The following SLC8A1 variants were observed in gnomAD, a reference collection of about 807,000 sequenced individuals.
The protein encoded by SLC8A1 is sodium/calcium exchanger 1.
A neutral mutation model predicts 68.3 loss-of-function variants in SLC8A1; 18 were observed. The observed-to-expected ratio is 0.26, with a 90% CI of 0.18 to 0.39. The LOEUF (loss-of-function observed/expected upper bound fraction) is 0.39, where lower values mean the gene tolerates loss of function less well. Ranked by LOEUF, SLC8A1 falls within the 10% of genes least tolerant of loss-of-function variation. The pLI is 1.00. For synonymous variants in SLC8A1, 475 were observed against 415.5 expected (o/e 1.14, Z -1.74); for missense variants, 985 against 1,156.7 (o/e 0.85, Z 2.15).
At chr2:40,295,780 C>T (rs1433324544) in intron 2 of SLC8A1, among the ~76,000 whole-genome samples, 1 of 152,158 alleles carries the variant, frequency 6.6e-6, no homozygotes, top group African/African-American at 2.4e-5. Flanking sequence ...CCTACTAACA[C>T]CAACTCTTGA....
At chr2:40,163,758 G>C (rs1268972788) in intron 5 of SLC8A1, among the ~76,000 whole-genome samples, 1 of 152,140 alleles carries the variant, frequency 6.6e-6, no homozygotes, top group Non-Finnish European at 1.5e-5. Flanking sequence ...AAAGGAAAAA[G>C]ATTAATTGCA....
intron 2 of SLC8A1, among the ~76,000 whole-genome samples, chr2:40,187,457 G>A (rs1341523962): frequency 1.7e-5 from 2 of 116,178 alleles, no homozygotes; most frequent in African/African-American, 6.8e-5. Flanking sequence ...CAGAGCAAGA[G>A]ACAGCGACAG....
At chr2:40,499,610 G>A (rs917340380) in intron 1 of SLC8A1, among the ~76,000 whole-genome samples, 1 of 152,046 alleles carries the variant, frequency 6.6e-6, no homozygotes, top group East Asian at 1.9e-4. Flanking sequence ...GAGGCTGTCT[G>A]CCCACACACT....
At chr2:40,242,487 A>G (rs919635837) in intron 2 of SLC8A1, among the ~76,000 whole-genome samples, 5 of 152,172 alleles carry the variant, frequency 3.3e-5, no homozygotes, top group African/African-American at 1.2e-4. Flanking sequence ...AGACAAGGGT[A>G]TAATTATAAA....
chr2:40,200,314 T>G (rs2054119820), intron 2 of SLC8A1, among the ~76,000 whole-genome samples: 1 of 126,384 alleles, frequency 7.9e-6, no homozygotes. Context: ...TACAGGTACT[T>G]GTTCTTCAGG....
exon 8 of SLC8A1, chr2:40,098,014 C>T (rs2033676258): frequency 6.6e-6 from 1 of 151,796 alleles, no homozygotes; most frequent in South Asian, 2.1e-4. Flanking sequence ...CACAAAGAGA[C>T]TAGATTAACA....
intron 2 of SLC8A1, among the ~76,000 whole-genome samples, chr2:40,396,451 C>T (rs1455296251): frequency 6.6e-6 from 1 of 152,020 alleles, no homozygotes; most frequent in African/African-American, 2.4e-5. Context: ...TCATTCTATT[C>T]TAGTAGCACA....
At chr2:40,139,750 A>G in intron 6 of SLC8A1, 74 bp from the exon 10 acceptor site, 1 of 1,513,562 alleles carries the variant, frequency 6.6e-7, no homozygotes, top group Non-Finnish European at 9.0e-7. Flanking sequence ...AATCTCTCCT[A>G]TCTAGGTCGG....
intron 2 of SLC8A1, among the ~76,000 whole-genome samples, chr2:40,394,012 T>C (rs1010676769): frequency 1.3e-5 from 2 of 152,246 alleles, no homozygotes; most frequent in East Asian, 3.9e-4. Context: ...TGTCAATGAC[T>C]GAAGACAGTT....
chr2:40,123,268 C>T (rs996472345), intron 7 of SLC8A1: 3 of 152,228 alleles, frequency 2.0e-5, no homozygotes, highest in Admixed American at 6.5e-5. Flanking sequence ...ACTGTGACTA[C>T]ACAATGGTAA....
chr2:40,219,363 A>T (rs1017761502), intron 2 of SLC8A1, among the ~76,000 whole-genome samples: 8 of 152,258 alleles, frequency 5.3e-5, no homozygotes, highest in Non-Finnish European at 1.2e-4. Flanking sequence ...CTGTCAGCAC[A>T]TGGCAAAGTT....
chr2:40,131,975 T>G (rs1375450999), intron 7 of SLC8A1, among the ~76,000 whole-genome samples: 1 of 147,820 alleles, frequency 6.8e-6, no homozygotes, highest in Non-Finnish European at 1.5e-5. Flanking sequence ...GGTATAGAAC[T>G]GGATCTTGAT....
chr2:40,267,022 G>T (rs1266831982), intron 2 of SLC8A1, among the ~76,000 whole-genome samples: 1 of 152,114 alleles, frequency 6.6e-6, no homozygotes. Context: ...TTGTATGTGG[G>T]GTTCATCAGC....
chr2:40,280,637 T>TC (rs2149183570), intron 2 of SLC8A1, among the ~76,000 whole-genome samples: 1 of 152,286 alleles, frequency 6.6e-6, no homozygotes, highest in Non-Finnish European at 1.5e-5. Context: ...ATCCCTGCCT[T>TC]CTGGGGTCTT....
At chr2:40,506,471 A>C (rs935020776) in intron 1 of SLC8A1, among the ~76,000 whole-genome samples, 4 of 151,916 alleles carry the variant, frequency 2.6e-5, no homozygotes. Flanking sequence ...ATGTTATGTA[A>C]ATTTAGTTTC....
At chr2:40,216,186 G>T (rs1362470425) in intron 2 of SLC8A1, among the ~76,000 whole-genome samples, 1 of 151,982 alleles carries the variant, frequency 6.6e-6, no homozygotes, top group Non-Finnish European at 1.5e-5. Flanking sequence ...CCTGGTGTGT[G>T]GTGTTCCCCC....
At chr2:40,340,635 T>C (rs1559311296) in intron 2 of SLC8A1, among the ~76,000 whole-genome samples, 1 of 152,002 alleles carries the variant, frequency 6.6e-6, no homozygotes, top group Non-Finnish European at 1.5e-5. Flanking sequence ...CCTTCCCAGG[T>C]TTAGGGTTAG....
chr2:40,379,261 A>G (rs1473664513), intron 2 of SLC8A1, among the ~76,000 whole-genome samples: 4 of 152,092 alleles, frequency 2.6e-5, no homozygotes, highest in Non-Finnish European at 4.4e-5. Flanking sequence ...CTTCCAGGTC[A>G]TGTCCTTGCT....
chr2:40,297,531 T>C (rs1025000626), intron 2 of SLC8A1, among the ~76,000 whole-genome samples: 3 of 152,226 alleles, frequency 2.0e-5, no homozygotes, highest in African/African-American at 7.2e-5. Flanking sequence ...ATGCATTTTT[T>C]CAGTACATCA....
Sources: allele counts gnomAD v4.1 joint callset (sites outside exome capture counted in the v4.1 genomes callset), GRCh38; gene constraint gnomAD v4.1.1; transcripts MANE v1.5; gene names NCBI Gene and HGNC (gene_info 2026-07-23, HGNC 2026-07-21).